Variants in HS6ST2 observed in about 807,000 individuals in gnomAD.
HS6ST2 encodes the protein heparan sulfate 6-O-sulfotransferase 2, also known as heparan-sulfate 6-O-sulfotransferase 2.
A neutral mutation model predicts 33.0 loss-of-function variants in HS6ST2; 17 were observed. That is an observed-to-expected ratio of 0.52 (90% CI 0.35 to 0.77). HS6ST2 has a LOEUF of 0.77. HS6ST2 is among the 30% of genes least tolerant of loss of function. The pLI is 0.01. For missense variants in HS6ST2, 519 were observed against 551.7 expected (o/e 0.94, Z 0.59); for synonymous variants, 248 against 237.1 (o/e 1.05, Z -0.42).
chrX:132,802,710 T>C (rs2065246233), intron 2 of HS6ST2, among the ~76,000 whole-genome samples: 1 of 110,053 alleles, frequency 9.1e-6, no homozygotes, highest in Non-Finnish European at 1.9e-5. Context: ...CTCTCGTATT[T>C]TGCATGCAAA....
chrX:132,638,673 T>C (rs1038894551), intron 4 of HS6ST2, among the ~76,000 whole-genome samples: 2 of 112,078 alleles, frequency 1.8e-5, no homozygotes, highest in Non-Finnish European at 3.8e-5. Context: ...TTGAAGTTCA[T>C]GCTGTGGGCT....
At chrX:132,803,357 A>G (rs746125093) in intron 2 of HS6ST2, among the ~76,000 whole-genome samples, 3 of 111,692 alleles carry the variant, frequency 2.7e-5, no homozygotes, top group South Asian at 3.8e-4. Context: ...GGCCCTATAG[A>G]AGTTGACATG....
At position 132,957,077 on chromosome X, in the gene HS6ST2, A is replaced by T; in HGVS notation, c.678T>A (p.Asp226Glu). The change falls in exon 2 of 5, where the codon GAT becomes GAA. Residue 226 changes from aspartate (D) to glutamate (E), a missense_variant. Coordinates refer to ENST00000370833, the MANE Select transcript of HS6ST2 (RefSeq NM_001394073.1). Reference sequence around the variant, plus strand: ...GGATGTGCAGGAACACGATCAGGTCATCGCCCTTGATGTCGAAGTCTACCT... The same window carrying T: ...GGATGTGCAGGAACACGATCAGGTCTTCGCCCTTGATGTCGAAGTCTACCT... ...LRKVDFDIKG[D>E]DLIVFLHIQK... The T allele has an allele frequency of 3.8e-5, 46 of 1,211,725 alleles. No homozygotes were observed. The highest frequency in any genetic ancestry group is 5.0e-5 in the Non-Finnish European group (45 of 895,441).
intron 3 of HS6ST2, among the ~76,000 whole-genome samples, chrX:132,706,165 C>T (rs1011280269): frequency 4.5e-5 from 5 of 110,650 alleles, no homozygotes; most frequent in African/African-American, 9.9e-5. Flanking sequence ...GGGAGTGTGA[C>T]GGGATGATCT....
intron 2 of HS6ST2, among the ~76,000 whole-genome samples, chrX:132,890,988 C>A (rs2066304263): frequency 9.0e-6 from 1 of 111,722 alleles, no homozygotes; most frequent in Admixed American, 9.6e-5. Flanking sequence ...AAATAAATTG[C>A]ATATATTACT....
chrX:132,875,742 A>C (rs1252863859), intron 2 of HS6ST2, among the ~76,000 whole-genome samples: 1 of 112,497 alleles, frequency 8.9e-6, no homozygotes, highest in African/African-American at 3.2e-5. Context: ...AAACACACTT[A>C]AGCCCAAAGT....
At chrX:132,953,925 CT>C (rs975964351) in intron 2 of HS6ST2, among the ~76,000 whole-genome samples, 6 of 112,117 alleles carry the variant, frequency 5.4e-5, no homozygotes, top group Admixed American at 1.9e-4. Context: ...GCAAAAAACC[CT>C]TGTTCATCAA....
At chrX:132,808,093 T>C in intron 2 of HS6ST2, among the ~76,000 whole-genome samples, 1 of 111,615 alleles carries the variant, frequency 9.0e-6, no homozygotes, top group Non-Finnish European at 1.9e-5. Context: ...AAAATGGCTT[T>C]CTCTAAAATC....
At chrX:132,819,017 C>A (rs1363640232) in intron 2 of HS6ST2, among the ~76,000 whole-genome samples, 1 of 111,299 alleles carries the variant, frequency 9.0e-6, no homozygotes, top group African/African-American at 3.3e-5. Flanking sequence ...CAGAGGGTGT[C>A]CCAGGCTGCA....
At chrX:132,857,563 T>A (rs1337444022) in intron 2 of HS6ST2, among the ~76,000 whole-genome samples, 1 of 107,654 alleles carries the variant, frequency 9.3e-6, no homozygotes, top group Non-Finnish European at 1.9e-5. Context: ...TAGGCAAAAA[T>A]AGATAACCAA....
rs182854607 is a variant in HS6ST2 at position 132,951,096 on chromosome X, G to A, written c.947+5712C>T. ...ATGACTTCTTAGTACTCTCCAGCCCGAACCAGATCCCCTTCTCAACCTCTC... is the reference window on the plus strand; with the variant it reads ...ATGACTTCTTAGTACTCTCCAGCCCAAACCAGATCCCCTTCTCAACCTCTC... On this transcript the variant is annotated intron_variant, in intron 2 of 4. Coordinates refer to ENST00000370833, the MANE Select transcript of HS6ST2 (RefSeq NM_001394073.1). Among the ~76,000 whole-genome samples, 3 of 111,145 alleles carry A rather than the reference G, an allele frequency of 2.7e-5. No homozygotes were observed. In the East Asian group the frequency reaches 8.6e-4, roughly 32 times the overall value.
At chrX:132,942,846 C>A (rs759018952) in intron 2 of HS6ST2, among the ~76,000 whole-genome samples, 1 of 112,050 alleles carries the variant, frequency 8.9e-6, no homozygotes, top group Non-Finnish European at 1.9e-5. Flanking sequence ...CTAAAAGGAG[C>A]AAGATTCTTT....
intron 2 of HS6ST2, among the ~76,000 whole-genome samples, chrX:132,832,330 A>G (rs1007481640): frequency 1.2e-4 from 14 of 112,137 alleles, no homozygotes; most frequent in African/African-American, 4.5e-4. Context: ...CAATTCTGAG[A>G]AAACAGTTTA....
At chrX:132,859,223 C>T (rs2065884112) in intron 2 of HS6ST2, among the ~76,000 whole-genome samples, 2 of 111,661 alleles carry the variant, frequency 1.8e-5, no homozygotes, top group Admixed American at 1.9e-4. Context: ...ATGTAGCTAT[C>T]TCCTTCCAAA....
chrX:132,764,103 C>T (rs2064824827), intron 2 of HS6ST2, among the ~76,000 whole-genome samples: 1 of 112,258 alleles, frequency 8.9e-6, no homozygotes, highest in Non-Finnish European at 1.9e-5. Context: ...AGCATTTCAA[C>T]ATTAGGAAAG....
At chrX:132,890,413 T>G (rs186072085) in intron 2 of HS6ST2, among the ~76,000 whole-genome samples, 1 of 106,100 alleles carries the variant, frequency 9.4e-6, no homozygotes. Flanking sequence ...TAATTGCAGT[T>G]TTTGCCATTA....
chrX:132,706,590 G>A (rs1314093709), intron 3 of HS6ST2, among the ~76,000 whole-genome samples: 1 of 112,042 alleles, frequency 8.9e-6, no homozygotes, highest in African/African-American at 3.2e-5. Flanking sequence ...TGTTAATTGT[G>A]CAAGTGTGTA....
chrX:132,671,931 T>A (rs2063884181), intron 3 of HS6ST2, among the ~76,000 whole-genome samples: 1 of 111,741 alleles, frequency 8.9e-6, no homozygotes, highest in Non-Finnish European at 1.9e-5. Context: ...ATTTTGTAGA[T>A]GTACTAATGA....
intron 3 of HS6ST2, among the ~76,000 whole-genome samples, chrX:132,689,762 A>G (rs1195110640): frequency 8.9e-6 from 1 of 112,431 alleles, no homozygotes; most frequent in Non-Finnish European, 1.9e-5. Context: ...GATCATGAAG[A>G]TACTTCAGTT....
Sources: allele counts gnomAD v4.1 joint callset (sites outside exome capture counted in the v4.1 genomes callset), GRCh38; gene constraint gnomAD v4.1.1; transcripts MANE v1.5; gene names NCBI Gene and HGNC (gene_info 2026-07-23, HGNC 2026-07-21).